ZNF804A: variants seen among roughly 807,000 people sequenced by gnomAD.
ZNF804A encodes the protein zinc finger protein 804A.
ZNF804A carries 2 observed loss-of-function variants against 16.5 expected under a neutral mutation model. The ratio of observed to expected loss-of-function variants is 0.12; its 90% CI spans 0.05 to 0.38. The LOEUF (loss-of-function observed/expected upper bound fraction) is 0.38. ZNF804A is among the 10% of genes least tolerant of loss of function. ZNF804A has a pLI of 0.99. For synonymous variants in ZNF804A, 534 were observed against 489.6 expected, an observed-to-expected ratio of 1.09 and a Z score of -1.20; for missense variants, 1,473 against 1,390.7, an observed-to-expected ratio of 1.06 and a Z score of -0.94.
At chr2:184,849,256 A>C (rs1465824068) in intron 1 of ZNF804A, among the ~76,000 whole-genome samples, 8 of 152,060 alleles carry the variant, frequency 5.3e-5, no homozygotes, top group Non-Finnish European at 1.2e-4. Context: ...GGGATTTTGC[A>C]AGCTCCCATA....
rs192479118 is a variant in ZNF804A, at chr2:184,740,049, A to G, written c.112-126320A>G. On this transcript the variant is annotated intron_variant, in intron 1 of 3. Coordinates refer to ENST00000302277, the MANE Select transcript of ZNF804A (RefSeq NM_194250.2). ...GTATTTTAGTCAACCATCTGTGACA[A>G]TTTTGTTCATGACTTGGTAAATGAA... Among the ~76,000 whole-genome samples the G allele has an allele frequency of 5.2e-3, 796 of 151,874 alleles. 22 individuals are homozygous for G. Among genetic ancestry groups the G allele is most frequent in the Admixed American group, 0.047 (717 of 15,266 alleles).
At chr2:184,674,840 A>G (rs1460701506) in intron 1 of ZNF804A, among the ~76,000 whole-genome samples, 1 of 151,906 alleles carries the variant, frequency 6.6e-6, no homozygotes, top group African/African-American at 2.4e-5. Flanking sequence ...CTGTTAAAAA[A>G]AGTAAAATTC....
chr2:184,917,254 T>C (rs1685462707), intron 2 of ZNF804A, among the ~76,000 whole-genome samples: 1 of 152,126 alleles, frequency 6.6e-6, no homozygotes, highest in South Asian at 2.1e-4. Flanking sequence ...TCACACTCTG[T>C]CTAACATGAT....
chr2:184,835,828 G>A (rs1176054225), intron 1 of ZNF804A, among the ~76,000 whole-genome samples: 1 of 152,106 alleles, frequency 6.6e-6, no homozygotes, highest in Non-Finnish European at 1.5e-5. Context: ...CTGGTTTGGT[G>A]TTGCAGGCAA....
chr2:184,765,148 T>G (rs1286209129), intron 1 of ZNF804A, among the ~76,000 whole-genome samples: 1 of 152,146 alleles, frequency 6.6e-6, no homozygotes, highest in Non-Finnish European at 1.5e-5. Flanking sequence ...GCTGGTGACA[T>G]TGTTTTCTGA....
intron 1 of ZNF804A, among the ~76,000 whole-genome samples, chr2:184,804,738 T>C (rs1348951397): frequency 6.6e-6 from 1 of 152,146 alleles, no homozygotes; most frequent in East Asian, 1.9e-4. Flanking sequence ...GTTTAATGTA[T>C]CCAGGAAATA....
intron 1 of ZNF804A, among the ~76,000 whole-genome samples, chr2:184,838,117 AG>A (rs139772338): frequency 0.05 from 7,666 of 152,176 alleles, 254 homozygotes; most frequent in Middle Eastern, 0.078. Context: ...CTGAAATAGC[AG>A]GTTGGAGTTT....
At chr2:184,881,897 TAAC>T (rs1478536862) in intron 2 of ZNF804A, among the ~76,000 whole-genome samples, 4 of 151,966 alleles carry the variant, frequency 2.6e-5, no homozygotes, top group African/African-American at 9.7e-5. Context: ...GTCTATATAA[TAAC>T]ATCTGACAAT....
At chr2:184,649,426 A>G (rs927874407) in intron 1 of ZNF804A, among the ~76,000 whole-genome samples, 1 of 152,140 alleles carries the variant, frequency 6.6e-6, no homozygotes, top group African/African-American at 2.4e-5. Flanking sequence ...AGAAATAACT[A>G]AAATCAGAAC....
chr2:184,682,622 G>C (rs1692561211), intron 1 of ZNF804A, among the ~76,000 whole-genome samples: 1 of 152,164 alleles, frequency 6.6e-6, no homozygotes. Flanking sequence ...TGATTTTACA[G>C]ATGGGAAAAA....
intron 1 of ZNF804A, among the ~76,000 whole-genome samples, chr2:184,808,360 C>A (rs544517046): frequency 8.3e-4 from 126 of 151,498 alleles, no homozygotes; most frequent in African/African-American, 3.0e-3. Context: ...GTCTAATTTT[C>A]AGTGGTTAGA....
At chr2:184,653,437 T>C (rs1278106174) in intron 1 of ZNF804A, among the ~76,000 whole-genome samples, 1 of 152,174 alleles carries the variant, frequency 6.6e-6, no homozygotes, top group East Asian at 1.9e-4. Context: ...GAAAGTATTT[T>C]ACTCAGGGAC....
At chr2:184,680,157 A>G (rs1439197362) in intron 1 of ZNF804A, among the ~76,000 whole-genome samples, 1 of 150,694 alleles carries the variant, frequency 6.6e-6, no homozygotes, top group Non-Finnish European at 1.5e-5. Flanking sequence ...CATCAGGAGG[A>G]CCTTCCTTTG....
At chr2:184,661,355 C>T (rs1033225235) in intron 1 of ZNF804A, among the ~76,000 whole-genome samples, 5 of 152,176 alleles carry the variant, frequency 3.3e-5, no homozygotes, top group South Asian at 2.1e-4. Flanking sequence ...AGTGTTACAG[C>T]TCTTTTGCTC....
intron 1 of ZNF804A, among the ~76,000 whole-genome samples, chr2:184,671,113 C>T (rs533955177): frequency 2.6e-5 from 4 of 152,214 alleles, no homozygotes; most frequent in South Asian, 2.1e-4. Flanking sequence ...AGTTAGGGCC[C>T]CAAGCAGTAA....
intron 1 of ZNF804A, among the ~76,000 whole-genome samples, chr2:184,682,973 A>C (rs991415349): frequency 9.2e-5 from 14 of 152,192 alleles, no homozygotes; most frequent in African/African-American, 4.8e-5. Context: ...GTGCCTCCGC[A>C]CTCCATGCTA....
intron 2 of ZNF804A, among the ~76,000 whole-genome samples, chr2:184,873,756 T>G (rs1339441206): frequency 6.6e-6 from 1 of 152,138 alleles, no homozygotes; most frequent in African/African-American, 2.4e-5. Flanking sequence ...CACTAAAGGC[T>G]TATATGTGTA....
intron 2 of ZNF804A, among the ~76,000 whole-genome samples, chr2:184,910,559 C>T (rs1266294988): frequency 6.6e-6 from 1 of 152,030 alleles, no homozygotes; most frequent in Non-Finnish European, 1.5e-5. Context: ...AAACTGTTTT[C>T]CACAGTAGCT....
At chr2:184,673,010 G>A (rs1438568412) in intron 1 of ZNF804A, among the ~76,000 whole-genome samples, 1 of 151,934 alleles carries the variant, frequency 6.6e-6, no homozygotes, top group Non-Finnish European at 1.5e-5. Context: ...GCCTCCCAAA[G>A]TGCTGGAATT....
Sources: allele counts gnomAD v4.1 joint callset (sites outside exome capture counted in the v4.1 genomes callset), GRCh38; gene constraint gnomAD v4.1.1; transcripts MANE v1.5; gene names NCBI Gene and HGNC (gene_info 2026-07-23, HGNC 2026-07-21).